The following MAP3K7 variants were observed in gnomAD, a reference collection of about 807,000 sequenced individuals.
MAP3K7 encodes the protein mitogen-activated protein kinase kinase kinase 7.
MAP3K7 carries 21 observed loss-of-function variants against 84.8 expected under a neutral mutation model. That is an observed-to-expected ratio of 0.25 (90% CI 0.18 to 0.36). MAP3K7 has a LOEUF of 0.36. MAP3K7 is among the 10% of genes least tolerant of loss of function. MAP3K7 has a pLI of 1.00. For synonymous variants in MAP3K7, 241 were observed against 247.7 expected, an observed-to-expected ratio of 0.97 and a Z score of 0.25; for missense variants, 503 against 747.7, an observed-to-expected ratio of 0.67 and a Z score of 3.82.
chr6:90,531,563 T>C (rs565171586), intron 13 of MAP3K7, among the ~76,000 whole-genome samples: 1 of 152,236 alleles, frequency 6.6e-6, no homozygotes, highest in Non-Finnish European at 1.5e-5. Flanking sequence ...TAAAGGTCTG[T>C]AGGCTTGATC....
intron 1 of MAP3K7, among the ~76,000 whole-genome samples, chr6:90,573,978 G>A (rs1172671308): frequency 6.6e-6 from 1 of 152,210 alleles, no homozygotes; most frequent in Non-Finnish European, 1.5e-5. Flanking sequence ...ATTGTGAATA[G>A]AGGGTACTGG....
chr6:90,553,996 G>A (rs143886998), intron 6 of MAP3K7, among the ~76,000 whole-genome samples: 1 of 152,302 alleles, frequency 6.6e-6, no homozygotes, highest in Admixed American at 6.5e-5. Context: ...GGAGCTCAGT[G>A]TAGCCTCAAA....
chr6:90,549,346 G>A (rs564777252), intron 9 of MAP3K7, among the ~76,000 whole-genome samples: 11 of 152,078 alleles, frequency 7.2e-5, no homozygotes, highest in Non-Finnish European at 1.3e-4. Context: ...CATATAGGAG[G>A]AAAGAGATGA....
rs1258151898 is a variant in MAP3K7 at position 90,576,419 on chromosome 6, T to TCTCACACA, written c.121-4613_121-4612insTGTGTGAG. 3.9e-3 allele frequency among the ~76,000 whole-genome samples: 535 copies of TCTCACACA among 136,946 alleles called. 8 individuals are homozygous for TCTCACACA. Among genetic ancestry groups the TCTCACACA allele is most frequent in the Non-Finnish European group, 6.4e-3 (410 of 63,718 alleles). 89.8% of individuals were successfully genotyped at this position (136,946 alleles called of 152,430 possible). ...GCCTGGGCAACAGAGCTAGACTCTGTCACACACACACACACACACACACAC... is the reference window on the plus strand; with the variant it reads ...GCCTGGGCAACAGAGCTAGACTCTGTCTCACACACACACACACACACACACACACACAC... On this transcript the variant is annotated intron_variant, in intron 1 of 16. Transcript: ENST00000369329.
intron 2 of MAP3K7, among the ~76,000 whole-genome samples, chr6:90,569,999 C>T (rs982643693): frequency 1.3e-5 from 2 of 151,948 alleles, no homozygotes; most frequent in Non-Finnish European, 2.9e-5. Flanking sequence ...GTGGATTTTT[C>T]GTCCAATAGA....
rs573439856 is a variant in MAP3K7, at chr6:90,560,299, T to C, written c.344-85A>G. On this transcript the variant is annotated intron_variant, in intron 4 of 16. Transcript: ENST00000369329. ...TGAATGCAAGCACTATCAGAACACATGACTGGGTATTTTTCTACATATACA... is the reference window on the plus strand; with the variant it reads ...TGAATGCAAGCACTATCAGAACACACGACTGGGTATTTTTCTACATATACA... 2.5e-4 allele frequency: 339 copies of C among 1,378,474 alleles called. 3 individuals carry two copies. In the South Asian group the frequency reaches 4.1e-3, roughly 16 times the overall value. The allele number at this position is 1,378,474 out of a possible 1,614,324, so 85.4% of individuals were successfully genotyped here. A position where few individuals can be genotyped will look rare whatever the true frequency, so the allele number is the denominator to read the frequency against.
chr6:90,549,551 T>C (rs1776115291), intron 9 of MAP3K7, among the ~76,000 whole-genome samples: 1 of 151,924 alleles, frequency 6.6e-6, no homozygotes, highest in South Asian at 2.1e-4. Flanking sequence ...CCCAAAAGAA[T>C]TATAATAGTT....
chr6:90,540,342 T>C (rs754808021), intron 12 of MAP3K7, among the ~76,000 whole-genome samples: 3 of 151,876 alleles, frequency 2.0e-5, no homozygotes, highest in Non-Finnish European at 4.4e-5. Context: ...CAAGGCAATG[T>C]TCATCTATAG....
intron 1 of MAP3K7, among the ~76,000 whole-genome samples, chr6:90,580,316 AC>A (rs1438737801): frequency 6.6e-6 from 1 of 152,244 alleles, no homozygotes; most frequent in African/African-American, 2.4e-5. Flanking sequence ...ACTGAGGTAA[AC>A]AATGAAAAAA....
intron 1 of MAP3K7, among the ~76,000 whole-genome samples, chr6:90,575,997 A>C (rs2127986621): frequency 6.6e-6 from 1 of 152,308 alleles, no homozygotes. Flanking sequence ...ATATACAAAC[A>C]AAAGATGAGT....
At chr6:90,547,475 G>T in intron 10 of MAP3K7, 88 bp from the exon 11 acceptor site, 3 of 1,409,274 alleles carry the variant, frequency 2.1e-6, no homozygotes, top group Non-Finnish European at 2.9e-6. Flanking sequence ...ATGGCAAATG[G>T]GATTCTGATA....
At chr6:90,571,621 A>T in intron 2 of MAP3K7, 76 bp downstream of exon 2, 1 of 841,056 alleles carries the variant, frequency 1.2e-6, no homozygotes, top group Non-Finnish European at 1.8e-6. Context: ...CTGAGAAACC[A>T]ATCTTTTTCA....
chr6:90,541,815 A>G (rs1371598381), intron 12 of MAP3K7, among the ~76,000 whole-genome samples: 2 of 152,018 alleles, frequency 1.3e-5, no homozygotes, highest in African/African-American at 4.8e-5. Flanking sequence ...TTCTTTACCT[A>G]TGACTAGGTT....
chr6:90,571,632 TA>T lies in MAP3K7; in HGVS notation c.231+64del, dbSNP rs34439269. 0.11 allele frequency: 99,900 copies of T among 915,028 alleles called. 6,220 individuals are homozygous for T. Among genetic ancestry groups the T allele is most frequent in the Middle Eastern group, 0.17 (663 of 3,848 alleles). 56.7% of individuals were successfully genotyped at this position (915,028 alleles called of 1,614,324 possible). A position where few individuals can be genotyped will look rare whatever the true frequency, so the allele number is the denominator to read the frequency against. On this transcript the variant is annotated intron_variant, in intron 2 of 16. Coordinates refer to ENST00000369329, the MANE Select transcript of MAP3K7 (RefSeq NM_145331.3). ...ACATCTGAGAAACCAATCTTTTTCA[TA>T]ATATTAAATTCACAGAGTATCTTAA...
Position 90,553,546 on chromosome 6 carries a change from A to G in MAP3K7, c.648T>C (p.Gly216=). 6.2e-7 allele frequency: 1 copy of G among 1,613,834 alleles called. No individual in the cohort carries two copies. The part of the protein sequence containing the change: ...YSEKCDVFSW[G]IILWEVITRR... ...GCGTTATCACTTCCCAAAGAATAATACCCCAGCTGAAGACGTCACATTTTT... is the reference window on the plus strand; with the variant it reads ...GCGTTATCACTTCCCAAAGAATAATGCCCCAGCTGAAGACGTCACATTTTT... The change falls in exon 7 of 17, where the codon GGT becomes GGC. Residue 216 remains glycine, a synonymous_variant. Transcript: ENST00000369329.
intron 14 of MAP3K7, among the ~76,000 whole-genome samples, chr6:90,520,883 A>G (rs772572957): frequency 6.6e-6 from 1 of 152,114 alleles, no homozygotes; most frequent in Non-Finnish European, 1.5e-5. Context: ...CTGATTTACT[A>G]GAAAAATTTA....
Position 90,586,888 on chromosome 6 carries a change from C to T in MAP3K7, c.-5G>A. 1 of 1,602,202 alleles carries T rather than the reference C, an allele frequency of 6.2e-7. No homozygotes were observed. Among genetic ancestry groups the T allele is most frequent in the Non-Finnish European group, 8.5e-7 (1 of 1,175,666 alleles). ...GGCGGCAGAGGCTGTAGACATGATC[C>T]CTCGCGGCGCCCGGTGGGGCCGGGA... On this transcript the variant is annotated 5_prime_UTR_variant, in exon 1 of 17. Coordinates refer to ENST00000369329, the MANE Select transcript of MAP3K7 (RefSeq NM_145331.3).
intron 1 of MAP3K7, among the ~76,000 whole-genome samples, chr6:90,578,703 C>A (rs1459522468): frequency 6.6e-6 from 1 of 152,094 alleles, no homozygotes; most frequent in Non-Finnish European, 1.5e-5. Context: ...CTCTCCTTCC[C>A]CCCATTCTGA....
At chr6:90,577,136 A>T (rs1030350481) in intron 1 of MAP3K7, among the ~76,000 whole-genome samples, 1 of 152,178 alleles carries the variant, frequency 6.6e-6, no homozygotes, top group Non-Finnish European at 1.5e-5. Flanking sequence ...GGTAGTGCAG[A>T]AACTGGGCAG....
Sources: gnomAD v4.1 joint callset for allele counts (sites outside exome capture counted in the v4.1 genomes callset) on GRCh38, gnomAD v4.1.1 for gene constraint, MANE v1.5 for transcripts, NCBI Gene and HGNC (gene_info 2026-07-23, HGNC 2026-07-21) for gene names.